Variants in STAU1 observed in about 807,000 individuals in gnomAD.
STAU1 encodes the protein double-stranded RNA-binding protein Staufen homolog 1.
STAU1 carries 13 observed loss-of-function variants against 62.9 expected under a neutral mutation model. The ratio of observed to expected loss-of-function variants is 0.21; its 90% CI spans 0.13 to 0.33. The LOEUF is 0.33. Among genes scored for constraint, STAU1 ranks in the 10% least tolerant of loss-of-function variants. STAU1 has a pLI of 1.00. For missense variants in STAU1, 571 were observed against 712.1 expected (o/e 0.80, Z 2.25); for synonymous variants, 269 against 265.1 (o/e 1.01, Z -0.14).
the STAU1 span, among the ~76,000 whole-genome samples, chr20:49,209,277 C>T: frequency 0.14 from 21,794 of 150,374 alleles, 2,149 homozygotes; most frequent in East Asian, 0.35. Context: ...AGCCATGGGA[C>T]TTACCCTAGA....
At chr20:49,191,525 C>T (rs969088701), upstream of STAU1, among the ~76,000 whole-genome samples, 2 of 152,040 alleles carry the variant, frequency 1.3e-5, no homozygotes, top group Non-Finnish European at 2.9e-5. Context: ...GATAAATTTC[C>T]GTAGACTGCT....
At chr20:49,150,921 G>A (rs1432386714) in intron 5 of STAU1, among the ~76,000 whole-genome samples, 3 of 152,072 alleles carry the variant, frequency 2.0e-5, no homozygotes, top group Non-Finnish European at 4.4e-5. Flanking sequence ...AGAACCCCCA[G>A]CTGAGCTCCT....
chr20:49,187,782 C>A (rs1052024028), intron 1 of STAU1, among the ~76,000 whole-genome samples: 7 of 6,296 alleles, frequency 1.1e-3, no homozygotes, highest in Non-Finnish European at 3.7e-3. Context: ...GACCCCCCCC[C>A]CCCCCCGCCT....
the STAU1 span, among the ~76,000 whole-genome samples, chr20:49,196,391 C>G: frequency 3.4e-4 from 51 of 148,438 alleles, 1 homozygote; most frequent in African/African-American, 1.2e-3. Flanking sequence ...GAACTGAGAT[C>G]GCGCCACTGC....
intron 2 of STAU1, among the ~76,000 whole-genome samples, chr20:49,168,311 C>T (rs1293129242): frequency 1.3e-5 from 2 of 152,104 alleles, no homozygotes; most frequent in Non-Finnish European, 2.9e-5. Flanking sequence ...AAACTCCTGA[C>T]CTCAGGTGAT....
chr20:49,119,893 C>G (rs2092424027), intron 9 of STAU1, 89 bp downstream of exon 9: 3 of 1,473,976 alleles, frequency 2.0e-6, no homozygotes, highest in Admixed American at 4.3e-5. Context: ...CAGATAAAGC[C>G]TTGCCTTGAA....
chr20:49,187,724 T>C (rs1019549683), intron 1 of STAU1, among the ~76,000 whole-genome samples: 1 of 148,214 alleles, frequency 6.7e-6, no homozygotes, highest in Non-Finnish European at 1.5e-5. Flanking sequence ...GCTACAGACC[T>C]GGGCCGGCGA....
rs10671718 is a variant in STAU1, at chr20:49,180,319, C to CT, written c.-159-6051dup. Among the ~76,000 whole-genome samples the CT allele has an allele frequency of 5.0e-3, 431 of 86,944 alleles. 2 individuals are homozygous for CT. The highest frequency in any genetic ancestry group is 0.014 in the African/African-American group (271 of 19,858). 57.0% of individuals were successfully genotyped at this position (86,944 alleles called of 152,430 possible). A position where few individuals can be genotyped will look rare whatever the true frequency, so the allele number is the denominator to read the frequency against. ...TTTAGCAACAACCTGGACTACAGTT[C>CT]TTTTTTTTTTTTTCCCCCCCTGGAT... On this transcript the variant is annotated intron_variant, in intron 1 of 13. Transcript: ENST00000371856.
chr20:49,191,032 TA>T (rs1228409306), upstream of STAU1, among the ~76,000 whole-genome samples: 44 of 136,402 alleles, frequency 3.2e-4, no homozygotes, highest in African/African-American at 8.1e-4. Flanking sequence ...TATTTTTAAT[TA>T]TTTTTTTTTT....
chr20:49,135,022 G>A (rs189166960), intron 6 of STAU1: 41 of 1,588,964 alleles, frequency 2.6e-5, no homozygotes, highest in Admixed American at 5.0e-5. Context: ...AGCGAAGGGA[G>A]CCCGGGCAGC....
At chr20:49,217,586 T>TA in the STAU1 span, among the ~76,000 whole-genome samples, 1 of 151,562 alleles carries the variant, frequency 6.6e-6, no homozygotes, top group Non-Finnish European at 1.5e-5. Flanking sequence ...ACTAGGAAGT[T>TA]ACCCAAGACC....
At chr20:49,116,134 G>C (rs2092318106) in intron 12 of STAU1, among the ~76,000 whole-genome samples, 1 of 152,046 alleles carries the variant, frequency 6.6e-6, no homozygotes, top group African/African-American at 2.4e-5. Context: ...CTGTATAAAT[G>C]TTATATCCTG....
At chr20:49,194,007 G>A in the STAU1 span, among the ~76,000 whole-genome samples, 4 of 151,996 alleles carry the variant, frequency 2.6e-5, no homozygotes, top group South Asian at 8.3e-4. Context: ...AATTGGTGAG[G>A]AAAAGATAGA....
the STAU1 span, among the ~76,000 whole-genome samples, chr20:49,202,228 A>AG: frequency 1.4e-5 from 2 of 143,668 alleles, no homozygotes; most frequent in Admixed American, 7.2e-5. Context: ...TCAAAAAAAA[A>AG]AAAAAGAAAG....
chr20:49,187,021 A>G (rs2093796278), intron 1 of STAU1, among the ~76,000 whole-genome samples: 1 of 152,160 alleles, frequency 6.6e-6, no homozygotes, highest in Non-Finnish European at 1.5e-5. Context: ...AGGGGTGAAT[A>G]TAAGCAAAGC....
chr20:49,190,905 ATTTT>A (rs11477133), upstream of STAU1, among the ~76,000 whole-genome samples: 1 of 140,284 alleles, frequency 7.1e-6, no homozygotes. Context: ...GAGATGCTGA[ATTTT>A]TTTTTTTTTT....
chr20:49,155,915 G>C (rs1299508427), intron 3 of STAU1, among the ~76,000 whole-genome samples: 2 of 152,216 alleles, frequency 1.3e-5, no homozygotes, highest in South Asian at 2.1e-4. Context: ...GAAGACCTGG[G>C]ATGACTTCAT....
At chr20:49,120,252 C>A (rs931188584) in intron 8 of STAU1, 124 bp from the exon 9 acceptor site, 65 of 1,104,004 alleles carry the variant, frequency 5.9e-5, no homozygotes, top group Non-Finnish European at 7.7e-5. Context: ...GTGCCCCGAA[C>A]CTGGCCTCCT....
At chr20:49,210,481 C>G in the STAU1 span, 1 of 455,202 alleles carries the variant, frequency 2.2e-6, no homozygotes, top group Non-Finnish European at 4.4e-6. Flanking sequence ...CCTTTTTTTC[C>G]TCCTTCTCCT....
Sources: allele counts gnomAD v4.1 joint callset (sites outside exome capture counted in the v4.1 genomes callset), GRCh38; gene constraint gnomAD v4.1.1; transcripts MANE v1.5; gene names NCBI Gene and HGNC (gene_info 2026-07-23, HGNC 2026-07-21).